The following MAPK6 variants were observed in gnomAD, a reference collection of about 807,000 sequenced individuals.
MAPK6 encodes the protein mitogen-activated protein kinase 6.
Under a neutral mutation model 59.3 loss-of-function variants are expected in MAPK6, and 19 were observed. The observed-to-expected ratio is 0.32, with a 90% CI of 0.22 to 0.47. The LOEUF is 0.47. MAPK6 is among the 20% of genes least tolerant of loss of function. The pLI is 1.00. For synonymous variants in MAPK6, 316 were observed against 290.3 expected, an observed-to-expected ratio of 1.09 and a Z score of -0.90; for missense variants, 724 against 847.9, an observed-to-expected ratio of 0.85 and a Z score of 1.81.
At chr15:52,002,040 GCCTTCCCA>G (rs2057243522) in intron 2 of MAPK6, among the ~76,000 whole-genome samples, 1 of 152,142 alleles carries the variant, frequency 6.6e-6, no homozygotes, top group African/African-American at 2.4e-5. Context: ...AGCATTCTCT[GCCTTCCCA>G]CCTTAGGTCA....
chr15:51,982,098 A>G (rs920043172), intron 1 of MAPK6, among the ~76,000 whole-genome samples: 1 of 152,200 alleles, frequency 6.6e-6, no homozygotes, highest in Non-Finnish European at 1.5e-5. Flanking sequence ...CTGCCAACCA[A>G]AATTTTACAA....
intron 4 of MAPK6, among the ~76,000 whole-genome samples, chr15:52,061,046 A>G (rs1290952877): frequency 1.3e-5 from 2 of 152,202 alleles, no homozygotes; most frequent in African/African-American, 4.8e-5. Context: ...ACACTCAGCC[A>G]GAAAATCGTT....
chr15:52,004,999 T>C (rs2057253755), intron 3 of MAPK6, among the ~76,000 whole-genome samples: 1 of 152,216 alleles, frequency 6.6e-6, no homozygotes, highest in African/African-American at 2.4e-5. Flanking sequence ...TGCAGCAACA[T>C]GCTTGAGCAT....
chr15:52,063,854 A>G (rs574337540), intron 5 of MAPK6, 48 bp from the exon 6 acceptor site: 1 of 1,493,284 alleles, frequency 6.7e-7, no homozygotes, highest in South Asian at 1.4e-5. Flanking sequence ...TGAATTTGAA[A>G]ATGAAATCAT....
At chr15:51,997,870 G>A (rs2057229594) in intron 2 of MAPK6, among the ~76,000 whole-genome samples, 1 of 151,726 alleles carries the variant, frequency 6.6e-6, no homozygotes, top group South Asian at 2.1e-4. Flanking sequence ...GGGATTACAG[G>A]TGTGAGTCAC....
chr15:52,052,107 T>G (rs1697606352), intron 3 of MAPK6, among the ~76,000 whole-genome samples: 1 of 152,208 alleles, frequency 6.6e-6, no homozygotes, highest in Admixed American at 6.5e-5. Flanking sequence ...TATTAACGTT[T>G]TACAGTTTCT....
chr15:52,023,801 G>A (rs1455840091), intron 1 of MAPK6, among the ~76,000 whole-genome samples: 1 of 152,168 alleles, frequency 6.6e-6, no homozygotes, highest in African/African-American at 2.4e-5. Flanking sequence ...TTTTAGTACA[G>A]ACAGGGTTTC....
At chr15:51,972,914 A>G (rs1163564812) in intron 1 of MAPK6, among the ~76,000 whole-genome samples, 2 of 151,786 alleles carry the variant, frequency 1.3e-5, no homozygotes, top group African/African-American at 4.8e-5. Context: ...GAAACTGAGA[A>G]TGGAGGATCA....
rs2031611681 is a variant in MAPK6, at chr15:52,047,007, T to G, written c.547T>G (p.Ser183Ala). The G allele has an allele frequency of 1.3e-6, 2 of 1,561,572 alleles. No homozygotes were observed. The highest frequency in any genetic ancestry group is 1.7e-6 in the Non-Finnish European group (2 of 1,156,422). Reference protein sequence around the residue: ...GLARIMDPHYSHKGHLSEGLV... With the variant: ...GLARIMDPHYAHKGHLSEGLV... ...TGCACGGATCATGGATCCTCATTAT[T>G]CCCATAAGGTATGTATAGAAAGCCA... is the stretch of plus-strand genomic sequence containing the variant. The change falls in exon 2 of 6, where the codon TCC becomes GCC. Residue 183 changes from serine (S) to alanine (A), a missense_variant. Ser to Ala is a moderately conservative substitution (Grantham distance 99). Around this residue, in one of 4 missense-constraint regions of MAPK6, gnomAD observed 105 missense variants for 191.9 expected, o/e 0.55. Coordinates refer to ENST00000261845, the MANE Select transcript of MAPK6 (RefSeq NM_002748.4).
chr15:52,009,934 G>A (rs1374401267), intron 3 of MAPK6, among the ~76,000 whole-genome samples: 4 of 151,636 alleles, frequency 2.6e-5, no homozygotes, highest in African/African-American at 4.8e-5. Context: ...CACCATGCCC[G>A]GCTACTTTTT....
intron 2 of MAPK6, among the ~76,000 whole-genome samples, chr15:51,987,801 T>TA (rs1472552334): frequency 2.0e-5 from 3 of 148,976 alleles, no homozygotes; most frequent in Non-Finnish European, 4.4e-5. Context: ...GTTTCACTCT[T>TA]ACCACCCAGG....
chr15:52,057,779 A>G (rs962424089), intron 3 of MAPK6, among the ~76,000 whole-genome samples: 2 of 152,150 alleles, frequency 1.3e-5, no homozygotes, highest in African/African-American at 4.8e-5. Context: ...TGACTTTAAA[A>G]AAGTATTAAC....
intron 2 of MAPK6, among the ~76,000 whole-genome samples, chr15:52,049,612 A>ATTT (rs934846995): frequency 3.2e-5 from 4 of 124,188 alleles, no homozygotes; most frequent in African/African-American, 8.9e-5. Context: ...AAAGATTAGG[A>ATTT]TTTTTTTTTT....
Position 52,026,571 on chromosome 15 carries a change from C to T in MAPK6, c.-632+7195C>T, listed in dbSNP as rs549812834. Reference sequence around the variant, plus strand: ...CCTCCCAAAGTGCAGGGATTACAGGCGTGAGCCACCGTGCCTGGCCTTAAC... The same window carrying T: ...CCTCCCAAAGTGCAGGGATTACAGGTGTGAGCCACCGTGCCTGGCCTTAAC... On this transcript the variant is annotated intron_variant, in intron 1 of 5. Coordinates refer to ENST00000261845, the MANE Select transcript of MAPK6 (RefSeq NM_002748.4). Among the ~76,000 whole-genome samples the T allele has an allele frequency of 3.3e-5, 5 of 152,092 alleles. No homozygotes were observed. The East Asian group carries it at 9.7e-4, about 30-fold the overall frequency.
intron 1 of MAPK6, among the ~76,000 whole-genome samples, chr15:52,033,429 T>G (rs1031525236): frequency 3.9e-5 from 6 of 152,156 alleles, no homozygotes; most frequent in African/African-American, 1.4e-4. Flanking sequence ...TTGGCTTTCA[T>G]TTTTCATCCG....
rs570472016 is a variant in MAPK6, at chr15:52,032,833, C to T, written c.-631-12997C>T. ...CCTAGCAGCTGGGATTACAGGCATG[C>T]GCCACCACACCCAGCTAATTCTGTA... On this transcript the variant is annotated intron_variant, in intron 1 of 5. Transcript: ENST00000261845. Among the ~76,000 whole-genome samples, 26 of 152,240 alleles carry T rather than the reference C, an allele frequency of 1.7e-4. No homozygotes were observed. The South Asian group carries it at 4.6e-3, about 27-fold the overall frequency.
At chr15:52,004,037 C>G (rs2057250313) in intron 2 of MAPK6, 1 of 152,210 alleles carries the variant, frequency 6.6e-6, no homozygotes, top group African/African-American at 2.4e-5. Flanking sequence ...TTCCCTATCT[C>G]CCTTTTCCTT....
In MAPK6 at chr15:52,064,979, C is replaced by T. The variant is rs777603708; in HGVS notation, c.2145C>T (p.Ser715=). The change falls in exon 6 of 6, where the codon AGC becomes AGT. Residue 715 remains serine, a synonymous_variant. Coordinates refer to ENST00000261845, the MANE Select transcript of MAPK6 (RefSeq NM_002748.4). The part of the protein sequence containing the change: ...SPQIPHQTYS[S]ILKHLN ...AAATTCCTCATCAAACATACAGCAG[C>T]ATTCTGAAACATCTGAACTAAAACA... 8 of 1,608,038 alleles carry T rather than the reference C, an allele frequency of 5.0e-6. No individual in the cohort carries two copies. The highest frequency in any genetic ancestry group is 2.2e-5 in the East Asian group (1 of 44,788).
chr15:52,054,246 C>T (rs995856554), intron 3 of MAPK6, among the ~76,000 whole-genome samples: 5 of 151,614 alleles, frequency 3.3e-5, no homozygotes, highest in African/African-American at 1.2e-4. Flanking sequence ...CGCGCACCTA[C>T]AATCCCAGCT....
Sources: allele counts gnomAD v4.1 joint callset (sites outside exome capture counted in the v4.1 genomes callset), GRCh38; gene constraint gnomAD v4.1.1; regional missense constraint gnomAD v4.1.1; transcripts MANE v1.5; gene names NCBI Gene and HGNC (gene_info 2026-07-23, HGNC 2026-07-21).